NEK11: variants seen among roughly 807,000 people sequenced by gnomAD.
NEK11 encodes the protein NIMA related kinase 11, also known as serine/threonine-protein kinase Nek11.
In NEK11, 72 loss-of-function variants were observed where a neutral mutation model predicts 80.7. The observed-to-expected ratio is 0.89, with a 90% CI of 0.74 to 1.08. The LOEUF (loss-of-function observed/expected upper bound fraction) is 1.08, where lower values mean the gene tolerates loss of function less well. Among genes scored for constraint, NEK11 ranks in the 50% least tolerant of loss-of-function variants. The pLI is 0.00. For missense variants in NEK11, 764 were observed against 763.6 expected, an observed-to-expected ratio of 1.00 and a Z score of -0.01; for synonymous variants, 251 against 260.7, an observed-to-expected ratio of 0.96 and a Z score of 0.36.
At chr3:131,104,601 A>G (rs1420826157) in intron 4 of NEK11, among the ~76,000 whole-genome samples, 1 of 151,920 alleles carries the variant, frequency 6.6e-6, no homozygotes, top group Non-Finnish European at 1.5e-5. Flanking sequence ...CTGTGATTGG[A>G]CCTTGCCTGA....
At chr3:131,156,721 C>G (rs1367974437) in intron 10 of NEK11, among the ~76,000 whole-genome samples, 3 of 151,958 alleles carry the variant, frequency 2.0e-5, no homozygotes, top group African/African-American at 4.8e-5. Flanking sequence ...CTCTCTATGA[C>G]TATAAAAAAA....
In NEK11 at chr3:131,273,492, A is replaced by G. The variant is rs759173196; in HGVS notation, c.1636A>G (p.Thr546Ala). The change falls in exon 17 of 18, where the codon ACC becomes GCC. Residue 546 changes from threonine to alanine, a missense_variant. Coordinates refer to ENST00000383366, the MANE Select transcript of NEK11 (RefSeq NM_024800.5). The part of the protein sequence containing the change: ...GCTSLDTKTI[T>A]TMAEDMSPGP... ...TTGATTTTCAGACACAAAGACCATCACCACCATGGCTGAAGACATGTCCCC... is the reference window on the plus strand; with the variant it reads ...TTGATTTTCAGACACAAAGACCATCGCCACCATGGCTGAAGACATGTCCCC... The G allele has an allele frequency of 6.2e-7, 1 of 1,613,914 alleles. No individual in the cohort carries two copies. The highest frequency in any genetic ancestry group is 8.5e-7 in the Non-Finnish European group (1 of 1,179,806).
intron 5 of NEK11, among the ~76,000 whole-genome samples, chr3:131,122,856 T>A (rs1285452614): frequency 1.3e-5 from 2 of 152,056 alleles, no homozygotes; most frequent in Non-Finnish European, 2.9e-5. Context: ...GAGATGGAGA[T>A]GGGATTTTTA....
chr3:131,249,983 T>A (rs1211457981), intron 16 of NEK11, among the ~76,000 whole-genome samples: 2 of 151,966 alleles, frequency 1.3e-5, no homozygotes, highest in Admixed American at 1.3e-4. Context: ...AAACTGTGTA[T>A]CCACAAAAGT....
intron 17 of NEK11, among the ~76,000 whole-genome samples, chr3:131,316,930 T>G (rs1170571970): frequency 6.6e-6 from 1 of 152,234 alleles, no homozygotes; most frequent in Non-Finnish European, 1.5e-5. Context: ...TTTGCTGGAA[T>G]GTAACACTTC....
chr3:131,069,410 T>G (rs1002412312), intron 3 of NEK11, among the ~76,000 whole-genome samples: 2 of 152,150 alleles, frequency 1.3e-5, no homozygotes, highest in African/African-American at 4.8e-5. Context: ...ATTGTGGAAG[T>G]CAGTGTGGCG....
At chr3:131,258,598 A>G (rs1002339841) in intron 16 of NEK11, among the ~76,000 whole-genome samples, 13 of 152,188 alleles carry the variant, frequency 8.5e-5, no homozygotes, top group African/African-American at 2.2e-4. Flanking sequence ...CTGAATGTCA[A>G]TCCAAAAAAC....
At chr3:131,038,507 T>A (rs1467171372) in intron 3 of NEK11, among the ~76,000 whole-genome samples, 2 of 152,180 alleles carry the variant, frequency 1.3e-5, no homozygotes, top group East Asian at 3.9e-4. Flanking sequence ...AGATCAGAAA[T>A]GACTAATAAA....
chr3:131,029,707 C>A lies in NEK11; in HGVS notation c.-2C>A, dbSNP rs918494295. ...TGAACCAGTTCTCTCTTGTTTGGAGCAATGCTGAAATTCCAAGAGGCAGCT... is the reference window on the plus strand; with the variant it reads ...TGAACCAGTTCTCTCTTGTTTGGAGAAATGCTGAAATTCCAAGAGGCAGCT... On this transcript the variant is annotated 5_prime_UTR_variant, in exon 3 of 18. Coordinates refer to ENST00000383366, the MANE Select transcript of NEK11 (RefSeq NM_024800.5). The A allele has an allele frequency of 6.2e-7, 1 of 1,613,508 alleles. No individual in the cohort carries two copies. Among genetic ancestry groups the A allele is most frequent in the Non-Finnish European group, 8.5e-7 (1 of 1,179,504 alleles).
At chr3:131,098,721 GCGCACCACCA>G (rs2077879676) in intron 4 of NEK11, among the ~76,000 whole-genome samples, 1 of 151,750 alleles carries the variant, frequency 6.6e-6, no homozygotes, top group South Asian at 2.1e-4. Context: ...GATTACAGGT[GCGCACCACCA>G]CACCCAGCTA....
chr3:131,307,424 A>C (rs2096733968), intron 17 of NEK11, among the ~76,000 whole-genome samples: 1 of 152,256 alleles, frequency 6.6e-6, no homozygotes. Context: ...TTTGAAAATC[A>C]AGTTGCCAGT....
intron 4 of NEK11, among the ~76,000 whole-genome samples, chr3:131,096,481 T>C (rs1206287956): frequency 3.3e-5 from 5 of 152,210 alleles, no homozygotes; most frequent in African/African-American, 4.8e-5. Flanking sequence ...AGTGTGGTGA[T>C]GAACATTATG....
intron 14 of NEK11, among the ~76,000 whole-genome samples, chr3:131,207,914 T>C (rs947782141): frequency 6.6e-6 from 1 of 152,214 alleles, no homozygotes; most frequent in Non-Finnish European, 1.5e-5. Context: ...ATTCTGTAGG[T>C]TGCCTGTTCA....
At chr3:131,312,456 T>G (rs1581776932) in intron 17 of NEK11, among the ~76,000 whole-genome samples, 1 of 152,098 alleles carries the variant, frequency 6.6e-6, no homozygotes, top group Non-Finnish European at 1.5e-5. Flanking sequence ...CTTCAACATA[T>G]GTACAGAGAA....
chr3:131,220,736 T>A (rs1014522138), intron 14 of NEK11, among the ~76,000 whole-genome samples: 1 of 152,132 alleles, frequency 6.6e-6, no homozygotes, highest in Non-Finnish European at 1.5e-5. Context: ...CAAACTTTAA[T>A]GCTGAACTAT....
intron 4 of NEK11, among the ~76,000 whole-genome samples, chr3:131,097,666 C>G (rs113972457): frequency 0.13 from 20,327 of 151,530 alleles, 1,622 homozygotes; most frequent in Non-Finnish European, 0.19. Flanking sequence ...AGGACACAAA[C>G]AAATGGAAGA....
chr3:131,154,027 T>C (rs1364917868), intron 9 of NEK11, among the ~76,000 whole-genome samples: 4 of 152,160 alleles, frequency 2.6e-5, no homozygotes, highest in Non-Finnish European at 5.9e-5. Context: ...AGAGAGGTCC[T>C]GATTATGTTG....
intron 4 of NEK11, among the ~76,000 whole-genome samples, chr3:131,098,196 A>G (rs1477294826): frequency 6.6e-6 from 1 of 152,232 alleles, no homozygotes; most frequent in African/African-American, 2.4e-5. Context: ...TAAAACCATA[A>G]AAACCCTAGA....
intron 4 of NEK11, among the ~76,000 whole-genome samples, chr3:131,082,052 C>T (rs2075351465): frequency 6.6e-6 from 1 of 152,180 alleles, no homozygotes; most frequent in African/African-American, 2.4e-5. Flanking sequence ...TGTCTTGACC[C>T]TGCTTTGCTT....
Sources: allele counts gnomAD v4.1 joint callset (sites outside exome capture counted in the v4.1 genomes callset), GRCh38; gene constraint gnomAD v4.1.1; transcripts MANE v1.5; gene names NCBI Gene and HGNC (gene_info 2026-07-23, HGNC 2026-07-21).